PCDHGB2: variants seen among roughly 807,000 people sequenced by gnomAD.
PCDHGB2 encodes protocadherin gamma-B2.
A neutral mutation model predicts 59.3 loss-of-function variants in PCDHGB2; 55 were observed. That is an observed-to-expected ratio of 0.93 (90% CI 0.75 to 1.16). PCDHGB2 has a LOEUF of 1.16. Among genes scored for constraint, PCDHGB2 ranks in the 50% most tolerant of loss-of-function variants. The probability of loss-of-function intolerance (pLI) is 0.00; values close to 1 mark genes in which losing one functional copy is unlikely to be tolerated. For synonymous variants in PCDHGB2, 516 were observed against 512.0 expected, an observed-to-expected ratio of 1.01 and a Z score of -0.11; for missense variants, 1,228 against 1,198.5, an observed-to-expected ratio of 1.02 and a Z score of -0.36.
In PCDHGB2 at chr5:141,413,412, C is replaced by T. The variant is rs747352426; in HGVS notation, c.2421+50856C>T. ...TCTCCAGAGGTAGGACGCAGCTTTT[C>T]TCTCTGAACCCGCGCAGCGGCAGCT... On this transcript the variant is annotated intron_variant, in intron 1 of 3. Transcript: ENST00000522605. 5.6e-6 allele frequency: 9 copies of T among 1,613,954 alleles called. No individual in the cohort carries two copies. The African/African-American group carries it at 1.2e-4, about 22-fold the overall frequency.
chr5:141,410,068 C>T (rs2095353806), intron 1 of PCDHGB2: 1 of 1,612,832 alleles, frequency 6.2e-7, no homozygotes, highest in Non-Finnish European at 8.5e-7. Context: ...TGGGGCTGCG[C>T]ACTGGGGAGG....
intron 1 of PCDHGB2, chr5:141,383,728 G>C (rs1561598364): frequency 6.2e-7 from 1 of 1,613,878 alleles, no homozygotes; most frequent in African/African-American, 1.3e-5. Flanking sequence ...CAATGGGGAA[G>C]TGACATATTC....
At chr5:141,492,312 C>T (rs1470136040) in intron 1 of PCDHGB2, among the ~76,000 whole-genome samples, 2 of 152,348 alleles carry the variant, frequency 1.3e-5, no homozygotes, top group African/African-American at 4.8e-5. Flanking sequence ...CGCACGCACT[C>T]CTCGCACGTG....
At chr5:141,408,894 C>A (rs778126197) in intron 1 of PCDHGB2, 1 of 1,613,304 alleles carries the variant, frequency 6.2e-7, no homozygotes, top group East Asian at 2.2e-5. Flanking sequence ...ATAGAAATTT[C>A]TGTCAAGGAT....
At chr5:141,467,361 G>T (rs555435172) in intron 1 of PCDHGB2, among the ~76,000 whole-genome samples, 2 of 151,742 alleles carry the variant, frequency 1.3e-5, no homozygotes, top group Non-Finnish European at 2.9e-5. Flanking sequence ...CCAAATCAAC[G>T]TTTTCTTATA....
rs768174278 is a variant in PCDHGB2 at position 141,361,373 on chromosome 5, A to T, written c.1238A>T (p.Glu413Val). Residue 413 changes from glutamate (E) to valine (V), a missense_variant, in exon 1 of 4, where the codon GAG (glutamate) becomes GTG (valine). Glu to Val is a moderately radical substitution (Grantham distance 121, BLOSUM62 -2). Transcript: ENST00000522605. ...GTGACAGACGGCGCTCTGGACCGGG[A>T]GGAGATCCCAGAATACAATCTCACC... ...KLVTDGALDR[E>V]EIPEYNLTIT... is the part of the protein sequence containing the mutation. 1.1e-5 allele frequency: 18 copies of T among 1,613,958 alleles called. No homozygotes were observed. The highest frequency in any genetic ancestry group is 1.5e-5 in the Non-Finnish European group (18 of 1,179,892).
chr5:141,410,317 C>T lies in PCDHGB2; in HGVS notation c.2421+47761C>T, dbSNP rs527641698. ...CCTTAATCTCAGTGCTCTTCCTCCT[C>T]GCCGTGATTCTGGCCATTGCCTTGC... On this transcript the variant is annotated intron_variant, in intron 1 of 3. Coordinates refer to ENST00000522605, the MANE Select transcript of PCDHGB2 (RefSeq NM_018923.3). The T allele has an allele frequency of 2.7e-5, 43 of 1,614,010 alleles. No individual in the cohort carries two copies. In the East Asian group the frequency reaches 8.0e-4, roughly 30 times the overall value.
rs2099648980 is a variant in PCDHGB2 at position 141,487,537 on chromosome 5, G to A, written c.2422-7270G>A. ...CTCGGAGTGATAGCTTCATGATGGT[G>A]AAGTCACCCAGTGCACCTATGGCAG... On this transcript the variant is annotated intron_variant, in intron 1 of 3. Transcript: ENST00000522605. The surrounding 1 kb of genome is among the most constrained non-coding windows in gnomAD (Gnocchi z 5.0). The A allele has an allele frequency of 1.2e-6, 2 of 1,614,188 alleles. No individual in the cohort carries two copies. Among genetic ancestry groups the A allele is most frequent in the Admixed American group, 1.7e-5 (1 of 60,028 alleles).
At chr5:141,462,539 T>G (rs2099042077) in intron 1 of PCDHGB2, among the ~76,000 whole-genome samples, 1 of 152,184 alleles carries the variant, frequency 6.6e-6, no homozygotes, top group African/African-American at 2.4e-5. Flanking sequence ...TTCAGTGATC[T>G]TTTCTTCTTC....
chr5:141,449,588 CAAAAAA>C (rs768743917), intron 1 of PCDHGB2, among the ~76,000 whole-genome samples: 1 of 57,492 alleles, frequency 1.7e-5, no homozygotes, highest in Admixed American at 1.8e-4. Flanking sequence ...GACTCTGTCT[CAAAAAA>C]AAAAAAAAAA....
At chr5:141,439,029 G>A (rs2098083069) in intron 1 of PCDHGB2, among the ~76,000 whole-genome samples, 1 of 151,510 alleles carries the variant, frequency 6.6e-6, no homozygotes, top group Non-Finnish European at 1.5e-5. Flanking sequence ...GAAAATAGAT[G>A]CCTCAGTTCA....
intron 1 of PCDHGB2, chr5:141,393,977 T>C (rs1014126865): frequency 1.9e-6 from 3 of 1,613,870 alleles, no homozygotes; most frequent in Non-Finnish European, 2.5e-6. Flanking sequence ...ACACACGTGA[T>C]AATTTACCTT....
intron 2 of PCDHGB2, among the ~76,000 whole-genome samples, chr5:141,500,877 AT>A (rs369345007): frequency 5.2e-4 from 64 of 122,250 alleles, no homozygotes; most frequent in Admixed American, 1.0e-3. Context: ...TTCATTTACA[AT>A]TTTTTTTTTT....
intron 1 of PCDHGB2, among the ~76,000 whole-genome samples, chr5:141,407,232 A>G (rs2094902362): frequency 6.6e-6 from 1 of 152,242 alleles, no homozygotes; most frequent in African/African-American, 2.4e-5. Flanking sequence ...CAAAAAAAAT[A>G]AAGCATACTT....
In PCDHGB2 at chr5:141,476,352, T is replaced by C. The variant is rs2099389565; in HGVS notation, c.2422-18455T>C. The C allele has an allele frequency of 1.2e-6, 2 of 1,613,826 alleles. No individual in the cohort carries two copies. Among genetic ancestry groups the C allele is most frequent in the African/African-American group, 1.3e-5 (1 of 74,852 alleles). On this transcript the variant is annotated intron_variant, in intron 1 of 3. Transcript: ENST00000522605. The surrounding 1 kb of genome is among the most constrained non-coding windows in gnomAD (Gnocchi z 7.6). ...GGAGCTAGCCGAAGATTCTTTGAGG[T>C]GAACCGGGAGACCGGAGAGATGTTT...
chr5:141,393,110 C>T, intron 1 of PCDHGB2: 10 of 1,613,496 alleles, frequency 6.2e-6, no homozygotes, highest in Non-Finnish European at 8.5e-6. Flanking sequence ...GCGCTCAGAG[C>T]CCGCGGTGTC....
In PCDHGB2 at chr5:141,485,076, G is replaced by A; in HGVS notation, c.2422-9731G>A. 2.1e-6 allele frequency: 2 copies of A among 944,586 alleles called. No homozygotes were observed. Among genetic ancestry groups the A allele is most frequent in the East Asian group, 2.4e-5 (1 of 41,508 alleles). The allele number at this position is 944,586 out of a possible 1,614,324, so 58.5% of individuals were successfully genotyped here. ...CCGAACCGCGCCAGAGCTGGCGCGG[G>A]GAAAGGGAGATAGGTGTCTCCAGCT... On this transcript the variant is annotated intron_variant, in intron 1 of 3. Coordinates refer to ENST00000522605, the MANE Select transcript of PCDHGB2 (RefSeq NM_018923.3). This position sits in a 1 kb window ranked among gnomAD's most constrained non-coding sequence, Gnocchi z 5.7.
At chr5:141,384,386 T>C in intron 1 of PCDHGB2, 1 of 1,613,954 alleles carries the variant, frequency 6.2e-7, no homozygotes, top group Non-Finnish European at 8.5e-7. Flanking sequence ...GAAGACACCA[T>C]CCAGGGGGCT....
At chr5:141,483,637 G>A (rs1365525499) in intron 1 of PCDHGB2, among the ~76,000 whole-genome samples, 1 of 145,878 alleles carries the variant, frequency 6.9e-6, no homozygotes, top group South Asian at 2.1e-4. Flanking sequence ...AAGGTATAGA[G>A]GGGTGTGTGT....
Sources: gnomAD v4.1 joint callset for allele counts (sites outside exome capture counted in the v4.1 genomes callset) on GRCh38, gnomAD v4.1.1 for gene constraint, Gnocchi (gnomAD v3.1) non-coding constraint, MANE v1.5 for transcripts, NCBI Gene and HGNC (gene_info 2026-07-23, HGNC 2026-07-21) for gene names.